Variants in TDRD3 observed in about 807,000 individuals in gnomAD.
TDRD3 encodes tudor domain-containing protein 3.
TDRD3 carries 45 observed loss-of-function variants against 86.7 expected under a neutral mutation model. That is an observed-to-expected ratio of 0.52 (90% CI 0.41 to 0.67). TDRD3 has a LOEUF of 0.67. Among genes scored for constraint, TDRD3 ranks in the 30% least tolerant of loss-of-function variants. TDRD3 has a pLI of 0.00. For missense variants in TDRD3, 814 were observed against 889.0 expected (o/e 0.92, Z 1.07); for synonymous variants, 298 against 301.7 (o/e 0.99, Z 0.13).
intron 8 of TDRD3, among the ~76,000 whole-genome samples, chr13:60,495,095 C>T (rs1956685065): frequency 6.6e-6 from 1 of 152,086 alleles, no homozygotes; most frequent in Non-Finnish European, 1.5e-5. Context: ...TTTTCCTCTC[C>T]CTTTAGAGGT....
chr13:60,488,246 G>A (rs191428524), intron 7 of TDRD3, among the ~76,000 whole-genome samples: 1 of 152,306 alleles, frequency 6.6e-6, no homozygotes, highest in Non-Finnish European at 1.5e-5. Context: ...GGGTAAGGAA[G>A]CAATTCTGAT....
intron 4 of TDRD3, among the ~76,000 whole-genome samples, chr13:60,465,530 A>T (rs1009713189): frequency 6.6e-6 from 1 of 152,168 alleles, no homozygotes. Flanking sequence ...GGGGCCCTCA[A>T]AATAATTTTT....
At chr13:60,408,172 A>G (rs1954278943) in intron 1 of TDRD3, among the ~76,000 whole-genome samples, 1 of 148,222 alleles carries the variant, frequency 6.7e-6, no homozygotes, top group African/African-American at 2.5e-5. Context: ...TCTCTTGCCA[A>G]TGCCATGTAA....
At chr13:60,565,198 G>GGCGCCCGCCACC (rs1014518918) in intron 12 of TDRD3, among the ~76,000 whole-genome samples, 2 of 151,962 alleles carry the variant, frequency 1.3e-5, no homozygotes, top group African/African-American at 4.8e-5. Context: ...TGGGACTACA[G>GGCGCCCGCCACC]GCGCCCGCCA....
intron 10 of TDRD3, among the ~76,000 whole-genome samples, chr13:60,520,702 C>A (rs956786414): frequency 6.6e-6 from 1 of 152,178 alleles, no homozygotes; most frequent in Non-Finnish European, 1.5e-5. Context: ...CTACTGCTTT[C>A]ATATAGAGTG....
intron 4 of TDRD3, among the ~76,000 whole-genome samples, chr13:60,464,933 A>T (rs1213156142): frequency 6.6e-6 from 1 of 152,196 alleles, no homozygotes; most frequent in Non-Finnish European, 1.5e-5. Flanking sequence ...AAATAATTAA[A>T]AGAGTAGATT....
chr13:60,455,778 C>T (rs1955654199), intron 3 of TDRD3, among the ~76,000 whole-genome samples: 1 of 151,834 alleles, frequency 6.6e-6, no homozygotes, highest in South Asian at 2.1e-4. Flanking sequence ...AATAAGATTA[C>T]AAAAACAGGC....
At chr13:60,512,662 T>C (rs1490683465) in intron 10 of TDRD3, among the ~76,000 whole-genome samples, 1 of 152,156 alleles carries the variant, frequency 6.6e-6, no homozygotes, top group African/African-American at 2.4e-5. Context: ...AAGTCCGAAA[T>C]CCAGCATGTT....
intron 1 of TDRD3, among the ~76,000 whole-genome samples, chr13:60,411,686 C>A (rs926767634): frequency 3.1e-4 from 47 of 152,024 alleles, no homozygotes; most frequent in African/African-American, 9.2e-4. Context: ...TTCCTTTCAT[C>A]TTATTGCTTT....
intron 12 of TDRD3, among the ~76,000 whole-genome samples, chr13:60,562,070 A>G (rs765886374): frequency 6.6e-6 from 1 of 152,038 alleles, no homozygotes; most frequent in Non-Finnish European, 1.5e-5. Context: ...CAGCACTTTG[A>G]GAGGCCAAGG....
rs1176325223 is a variant in TDRD3, at chr13:60,528,677, A to C, written c.1452A>C (p.Ser484=). ...YSRYDRTKDT[S]YPLGSQHSDG... ...GATATGACAGAACTAAAGATACTTC[A>C]TATCCTTTAGGTTCTCAGCATAGTG... Residue 484 remains serine (S), a synonymous_variant, in exon 11 of 14, where the codon TCA becomes TCC. Coordinates refer to ENST00000377881, the MANE Select transcript of TDRD3 (RefSeq NM_001146070.2). 2 of 1,613,786 alleles carry C rather than the reference A, an allele frequency of 1.2e-6. No individual in the cohort carries two copies. Among genetic ancestry groups the C allele is most frequent in the African/African-American group, 2.7e-5 (2 of 74,932 alleles).
intron 1 of TDRD3, among the ~76,000 whole-genome samples, chr13:60,429,494 T>TA (rs976825308): frequency 5.3e-5 from 8 of 152,264 alleles, no homozygotes; most frequent in African/African-American, 1.7e-4. Flanking sequence ...AATTTTGACA[T>TA]AAATGGCAGG....
intron 1 of TDRD3, 117 bp from the exon 2 acceptor site, chr13:60,439,571 T>A (rs1202229803): frequency 8.8e-6 from 6 of 683,906 alleles, no homozygotes; most frequent in Non-Finnish European, 1.2e-5. Context: ...CAAGACTCTT[T>A]CCCTAGTATT....
chr13:60,567,757 C>G (rs1376520110), intron 13 of TDRD3, 107 bp downstream of exon 13: 57 of 1,427,392 alleles, frequency 4.0e-5, no homozygotes, highest in Non-Finnish European at 5.0e-5. Context: ...AAGTTTCACT[C>G]TTGTTGCCCA....
chr13:60,533,376 C>T (rs1957626471), intron 11 of TDRD3, among the ~76,000 whole-genome samples: 1 of 152,274 alleles, frequency 6.6e-6, no homozygotes, highest in African/African-American at 2.4e-5. Flanking sequence ...CGCAGTGGCT[C>T]ATGTCTGTAA....
chr13:60,455,275 A>C (rs529368272), intron 3 of TDRD3, among the ~76,000 whole-genome samples: 10 of 152,224 alleles, frequency 6.6e-5, no homozygotes, highest in Admixed American at 6.5e-4. Flanking sequence ...TGACAGAGAA[A>C]GTAGGTAAAA....
intron 10 of TDRD3, among the ~76,000 whole-genome samples, chr13:60,512,713 C>T (rs1472498750): frequency 2.0e-5 from 3 of 152,208 alleles, no homozygotes; most frequent in African/African-American, 7.2e-5. Context: ...CCTTTGACTC[C>T]ATGTCTCACA....
intron 7 of TDRD3, among the ~76,000 whole-genome samples, chr13:60,489,351 A>G (rs939566430): frequency 2.0e-5 from 3 of 152,232 alleles, no homozygotes; most frequent in African/African-American, 4.8e-5. Context: ...AAAACCTGTA[A>G]TGAAGCTTAG....
intron 1 of TDRD3, among the ~76,000 whole-genome samples, chr13:60,407,544 T>A (rs943917493): frequency 6.6e-6 from 1 of 152,222 alleles, no homozygotes; most frequent in Non-Finnish European, 1.5e-5. Flanking sequence ...AATTCAACTG[T>A]TAAGAGATAT....
Sources: gnomAD v4.1 joint callset for allele counts (sites outside exome capture counted in the v4.1 genomes callset) on GRCh38, gnomAD v4.1.1 for gene constraint, MANE v1.5 for transcripts, NCBI Gene and HGNC (gene_info 2026-07-23, HGNC 2026-07-21) for gene names.